The following SERPINB7 variants were observed in gnomAD, a reference collection of about 807,000 sequenced individuals.
The protein encoded by SERPINB7 is serpin family B member 7, also known as serpin B7.
In SERPINB7, 31 loss-of-function variants were observed where a neutral mutation model predicts 37.4. The ratio of observed to expected loss-of-function variants is 0.83; its 90% CI spans 0.62 to 1.12. SERPINB7 has a LOEUF of 1.12. Among genes scored for constraint, SERPINB7 ranks in the 50% most tolerant of loss-of-function variants. SERPINB7 has a pLI of 0.00. For missense variants in SERPINB7, 521 were observed against 455.3 expected, an observed-to-expected ratio of 1.14 and a Z score of -1.31; for synonymous variants, 163 against 166.1, an observed-to-expected ratio of 0.98 and a Z score of 0.14.
chr18:63,755,682 C>T (rs899081726), intron 1 of SERPINB7, among the ~76,000 whole-genome samples: 12 of 151,884 alleles, frequency 7.9e-5, no homozygotes, highest in African/African-American at 2.4e-4. Context: ...TGCTTGAGCC[C>T]GGGAATTGGA....
intron 1 of SERPINB7, among the ~76,000 whole-genome samples, chr18:63,764,915 A>G (rs747046477): frequency 2.0e-5 from 3 of 152,200 alleles, no homozygotes; most frequent in Non-Finnish European, 4.4e-5. Context: ...ATCACAGAGT[A>G]GGAAAGGAGT....
In SERPINB7 at chr18:63,801,021, C is replaced by T. The variant is rs756620605; in HGVS notation, c.744+9C>T. Reference sequence around the variant, plus strand: ...AGAATGACCTCTCTGAAGTAAGTTACGACTGTCATTTTCACTATTGGGAAA... The same window carrying T: ...AGAATGACCTCTCTGAAGTAAGTTATGACTGTCATTTTCACTATTGGGAAA... On this transcript the variant is annotated intron_variant, in intron 7 of 7. Transcript: ENST00000398019. The T allele has an allele frequency of 1.2e-4, 200 of 1,610,676 alleles. No homozygotes were observed. The Admixed American group carries it at 2.4e-3, about 20-fold the overall frequency.
intron 1 of SERPINB7, among the ~76,000 whole-genome samples, chr18:63,769,306 AT>A (rs780336218): frequency 5.9e-5 from 9 of 151,908 alleles, no homozygotes; most frequent in Admixed American, 5.2e-4. Flanking sequence ...TTATTATTGT[AT>A]TTTTTATTCT....
chr18:63,786,146 C>T (rs1056941365), intron 2 of SERPINB7, among the ~76,000 whole-genome samples: 5 of 90,726 alleles, frequency 5.5e-5, no homozygotes, highest in South Asian at 3.7e-4. Flanking sequence ...CATATATACA[C>T]ACACACACAC....
chr18:63,793,095 TGTAA>T (rs1400347006), intron 3 of SERPINB7, 62 bp from the exon 4 acceptor site: 17 of 815,146 alleles, frequency 2.1e-5, no homozygotes, highest in Middle Eastern at 3.4e-4. Flanking sequence ...TTGTTTTATG[TGTAA>T]GTGAGATTAT....
intron 1 of SERPINB7, among the ~76,000 whole-genome samples, chr18:63,755,170 C>T (rs946556302): frequency 6.6e-6 from 1 of 152,142 alleles, no homozygotes; most frequent in Non-Finnish European, 1.5e-5. Context: ...TCCCAAAGTG[C>T]TGGGATTACA....
Position 63,793,188 on chromosome 18 carries a change from G to A in SERPINB7, c.247G>A (p.Val83Ile), listed in dbSNP as rs1335531774. 2 of 1,592,776 alleles carry A rather than the reference G, an allele frequency of 1.3e-6. No individual in the cohort carries two copies. The highest frequency in any genetic ancestry group is 2.7e-5 in the African/African-American group (2 of 74,244). Reference sequence around the variant, plus strand: ...AGGGCTCCAGTCTCAACTGAAAAGAGTTTTTTCTGATATAAATGCATCCCA... The same window carrying A: ...AGGGCTCCAGTCTCAACTGAAAAGAATTTTTTCTGATATAAATGCATCCCA... ...QSGLQSQLKR[V>I]FSDINASHKD... Residue 83 changes from valine (V) to isoleucine (I), a missense_variant, in exon 4 of 8, where the codon GTT (valine) becomes ATT (isoleucine). Val to Ile is a conservative substitution (Grantham distance 29, BLOSUM62 3). Transcript: ENST00000398019.
rs766472021 is a variant in SERPINB7, at chr18:63,798,840, C to T, written c.597+94C>T. 3.7e-5 allele frequency: 47 copies of T among 1,277,142 alleles called. 1 individual carries two copies. Among genetic ancestry groups the T allele is most frequent in the Middle Eastern group, 2.0e-4 (1 of 5,082 alleles). The allele number at this position is 1,277,142 out of a possible 1,614,324, so 79.1% of individuals were successfully genotyped here. A position where few individuals can be genotyped will look rare whatever the true frequency, so the allele number is the denominator to read the frequency against. On this transcript the variant is annotated intron_variant, in intron 6 of 7. Transcript: ENST00000398019. Reference sequence around the variant, plus strand: ...GTTACATAGTAAACTCTAGGTTCACCGTTTTAAACCCATTTCTTCTTTTGC... The same window carrying T: ...GTTACATAGTAAACTCTAGGTTCACTGTTTTAAACCCATTTCTTCTTTTGC...
Position 63,785,730 on chromosome 18 carries a change from GT to G in SERPINB7, c.168+3198del, listed in dbSNP as rs572515066. On this transcript the variant is annotated intron_variant, in intron 2 of 7. Transcript: ENST00000398019. Reference sequence around the variant, plus strand: ...TGGTTTCTTTTTGTTGTTGTGTTTTGTTTTTTTTGTGTGTGTTTTTATTTTC... The same window carrying G: ...TGGTTTCTTTTTGTTGTTGTGTTTTGTTTTTTTGTGTGTGTTTTTATTTTC... 9.7e-3 allele frequency among the ~76,000 whole-genome samples: 1,464 copies of G among 150,402 alleles called. 30 individuals carry two copies. The highest frequency in any genetic ancestry group is 0.034 in the African/African-American group (1,394 of 41,084).
intron 1 of SERPINB7, among the ~76,000 whole-genome samples, chr18:63,766,789 C>T (rs1170929701): frequency 2.0e-5 from 3 of 152,142 alleles, no homozygotes; most frequent in Non-Finnish European, 2.9e-5. Context: ...AACTATCTGT[C>T]TGACATTACC....
chr18:63,796,198 A>G (rs2049485782), intron 4 of SERPINB7, 68 bp from the exon 5 acceptor site: 2 of 937,252 alleles, frequency 2.1e-6, no homozygotes, highest in Non-Finnish European at 3.4e-6. Flanking sequence ...TAAAAGTTCA[A>G]AAATACATTT....
At chr18:63,786,836 G>T (rs1324421824) in intron 2 of SERPINB7, among the ~76,000 whole-genome samples, 1 of 152,146 alleles carries the variant, frequency 6.6e-6, no homozygotes, top group African/African-American at 2.4e-5. Flanking sequence ...GTAAGAAGAG[G>T]AAGAATTGTG....
At chr18:63,781,802 A>C (rs1297457195) in intron 1 of SERPINB7, among the ~76,000 whole-genome samples, 1 of 152,258 alleles carries the variant, frequency 6.6e-6, no homozygotes, top group African/African-American at 2.4e-5. Flanking sequence ...GTTTTAAACA[A>C]ATTAATGCAC....
chr18:63,763,036 T>G (rs1157230342), intron 1 of SERPINB7, among the ~76,000 whole-genome samples: 1 of 152,174 alleles, frequency 6.6e-6, no homozygotes, highest in Non-Finnish European at 1.5e-5. Flanking sequence ...TCAGCTACTA[T>G]AGTGTAGCAT....
upstream of SERPINB7, chr18:63,775,313 T>C (rs1197643358): frequency 2.0e-5 from 3 of 152,186 alleles, no homozygotes; most frequent in Non-Finnish European, 4.4e-5. Context: ...CTTAGTCAGA[T>C]ACTATTTTGA....
intron 1 of SERPINB7, among the ~76,000 whole-genome samples, chr18:63,779,495 T>C (rs997779476): frequency 3.9e-5 from 6 of 152,138 alleles, no homozygotes; most frequent in Non-Finnish European, 5.9e-5. Flanking sequence ...TTTTTGGTAT[T>C]TATTTTAAGC....
At chr18:63,802,978 T>C (rs1372872014) in intron 7 of SERPINB7, among the ~76,000 whole-genome samples, 1 of 152,198 alleles carries the variant, frequency 6.6e-6, no homozygotes, top group Non-Finnish European at 1.5e-5. Context: ...ATTCACGTGA[T>C]AATCTTCATA....
At chr18:63,775,825 A>T (rs2049241695) in intron 1 of SERPINB7, 109 bp downstream of exon 1, 1 of 152,126 alleles carries the variant, frequency 6.6e-6, no homozygotes, top group Admixed American at 6.5e-5. Flanking sequence ...GAAGATGTAA[A>T]TGGCCAATGA....
At chr18:63,802,025 T>A (rs1390581940) in intron 7 of SERPINB7, among the ~76,000 whole-genome samples, 1 of 152,220 alleles carries the variant, frequency 6.6e-6, no homozygotes, top group East Asian at 1.9e-4. Context: ...ACATTCAAAC[T>A]ATAAACTAAA....
Sources: allele counts gnomAD v4.1 joint callset (sites outside exome capture counted in the v4.1 genomes callset), GRCh38; gene constraint gnomAD v4.1.1; transcripts MANE v1.5; gene names NCBI Gene and HGNC (gene_info 2026-07-23, HGNC 2026-07-21).